The following TUG1 variants were observed in gnomAD, a reference collection of about 807,000 sequenced individuals.
The protein encoded by TUG1 is taurine up-regulated 1, also known as taurine upregulated gene 1.
intron 2 of TUG1, chr22:30,973,940 G>A (rs1179442422): frequency 2.0e-5 from 3 of 152,158 alleles, no homozygotes; most frequent in Admixed American, 1.3e-4. Flanking sequence ...ATCTGGACCA[G>A]AATCCCATGG....
exon 3 of TUG1, chr22:30,978,213 T>A (rs1041510306): frequency 6.6e-6 from 1 of 152,240 alleles, no homozygotes; most frequent in African/African-American, 2.4e-5. Flanking sequence ...TCATGACCAC[T>A]GAGTTTGCTT....
exon 3 of TUG1, chr22:30,979,388 AAAT>A (rs1394707201): frequency 2.6e-5 from 4 of 152,110 alleles, no homozygotes; most frequent in Non-Finnish European, 5.9e-5. Context: ...AGAATTTTTA[AAAT>A]TAAATTTAGT....
chr22:30,970,535 G>A (rs2041217254), exon 1 of TUG1: 1 of 152,176 alleles, frequency 6.6e-6, no homozygotes, highest in Admixed American at 6.5e-5. Context: ...GATGTGTTCT[G>A]TAGCATCCTA....
In TUG1 at chr22:30,973,812, T is replaced by C. The variant is rs750220545; in HGVS notation, c.*2694+225T>C. On this transcript the variant is annotated intron_variant, in intron 2 of 2. Transcript: ENST00000644773. ...CCCAGTCCAGTACTCTCCTTGGAAT[T>C]AGCCTCCATTTTACCCACAGTGTTA... The C allele has an allele frequency of 2.6e-5, 4 of 152,192 alleles. 1 individual carries two copies. The highest frequency in any genetic ancestry group is 2.9e-5 in the Non-Finnish European group (2 of 68,028). The allele number at this position is 152,192 out of a possible 1,614,324, so 9.4% of individuals were successfully genotyped here.
In TUG1 at chr22:30,975,615, C is replaced by G. The variant is rs142579603; in HGVS notation, c.*3140C>G. 3 of 152,336 alleles carry G rather than the reference C, an allele frequency of 2.0e-5. No homozygotes were observed. The East Asian group carries it at 5.8e-4, about 29-fold the overall frequency. The allele number at this position is 152,336 out of a possible 1,614,324, so 9.4% of individuals were successfully genotyped here. ...GTCAAGTGAACCTAGATTAACAGCC[C>G]TCCACTCCAGATGGATATCCAGTGA... is the stretch of plus-strand genomic sequence containing the variant. On this transcript the variant is annotated 3_prime_UTR_variant, in exon 3 of 3. Transcript: ENST00000644773.
In TUG1 at chr22:30,979,320, C is replaced by T. The variant is rs554657740; in HGVS notation, c.*6845C>T. 12 of 127,810 alleles carry T rather than the reference C, an allele frequency of 9.4e-5. No homozygotes were observed. In the South Asian group the frequency reaches 2.5e-3, roughly 27 times the overall value. 7.9% of individuals were successfully genotyped at this position (127,810 alleles called of 1,614,324 possible). A position where few individuals can be genotyped will look rare whatever the true frequency, so the allele number is the denominator to read the frequency against. ...ATCACATGAAACTTTCAACTTTATACATTTCTGTATTAATATTTTACACTA... is the reference window on the plus strand; with the variant it reads ...ATCACATGAAACTTTCAACTTTATATATTTCTGTATTAATATTTTACACTA... On this transcript the variant is annotated 3_prime_UTR_variant, in exon 3 of 3. Transcript: ENST00000644773.
chr22:30,974,722 A>C (rs2147364343), intron 2 of TUG1: 1 of 152,318 alleles, frequency 6.6e-6, no homozygotes, highest in South Asian at 2.1e-4. Context: ...AAATTGGATA[A>C]ATTCCATGAC....
chr22:30,971,719 C>G (rs934013208), exon 1 of TUG1: 1 of 152,990 alleles, frequency 6.5e-6, no homozygotes, highest in Admixed American at 6.5e-5. Flanking sequence ...AATTAGAAGA[C>G]CTGAGTTTCT....
chr22:30,976,756 A>G (rs780953704), exon 3 of TUG1: 7 of 152,226 alleles, frequency 4.6e-5, no homozygotes, highest in African/African-American at 9.6e-5. Context: ...AAGGCCAGCT[A>G]TCCTGAGCTA....
At chr22:30,970,709 T>G (rs1602528268) in exon 1 of TUG1, 1 of 152,204 alleles carries the variant, frequency 6.6e-6, no homozygotes, top group East Asian at 1.9e-4. Flanking sequence ...TGGTGGTGAA[T>G]AGGCTTCTTT....
At chr22:30,972,590 C>T (rs2041243373) in intron 1 of TUG1, 1 of 152,418 alleles carries the variant, frequency 6.6e-6, no homozygotes. Context: ...GATCAAATTA[C>T]TCTCCTAAAG....
chr22:30,973,527 C>A (rs912230420), exon 2 of TUG1: 4 of 152,186 alleles, frequency 2.6e-5, no homozygotes, highest in African/African-American at 9.7e-5. Context: ...AGTCCCCTTA[C>A]CTAACAGCAT....
At chr22:30,974,347 G>GAAAAAAAA (rs3986065) in intron 2 of TUG1, 1 of 132,570 alleles carries the variant, frequency 7.5e-6, no homozygotes, top group Non-Finnish European at 1.6e-5. Flanking sequence ...TCAGAAGTCT[G>GAAAAAAAA]AAAAAAAAAA....
chr22:30,974,931 A>C (rs2041271480), intron 2 of TUG1: 1 of 152,184 alleles, frequency 6.6e-6, no homozygotes, highest in Admixed American at 6.5e-5. Flanking sequence ...AAAGAATTGG[A>C]TGCATTTTGC....
At chr22:30,976,304 CTT>C (rs2041287737) in exon 3 of TUG1, 1 of 151,884 alleles carries the variant, frequency 6.6e-6, no homozygotes, top group Middle Eastern at 3.2e-3. Context: ...TAAGATGAAT[CTT>C]TTGATGTCTG....
intron 2 of TUG1, 95 bp from the exon 3 acceptor site, chr22:30,975,075 T>C (rs1188836224): frequency 6.6e-6 from 1 of 152,244 alleles, no homozygotes. Flanking sequence ...ACCTGTAATG[T>C]GGTCCATCTT....
intron 1 of TUG1, chr22:30,972,028 T>C (rs1166578173): frequency 6.6e-6 from 1 of 152,256 alleles, no homozygotes; most frequent in Non-Finnish European, 1.5e-5. Flanking sequence ...GTTACTTGCC[T>C]GCATTTACTG....
At chr22:30,973,454 ATCT>A (rs1478188689) in exon 2 of TUG1, 1 of 152,180 alleles carries the variant, frequency 6.6e-6, no homozygotes, top group Non-Finnish European at 1.5e-5. Context: ...TCCTCATAGC[ATCT>A]TCTTTGGAAT....
At chr22:30,976,193 C>T (rs996835266) in exon 3 of TUG1, 1 of 152,110 alleles carries the variant, frequency 6.6e-6, no homozygotes, top group African/African-American at 2.4e-5. Flanking sequence ...TTGAACACCC[C>T]TTCTCATGTG....
Sources: allele counts gnomAD v4.1 joint callset, GRCh38; gene constraint gnomAD v4.1.1; transcripts MANE v1.5; gene names NCBI Gene and HGNC (gene_info 2026-07-23, HGNC 2026-07-21).